RTN4RL1: variants seen among roughly 807,000 people sequenced by gnomAD.
The protein encoded by RTN4RL1 is reticulon 4 receptor like 1.
Under a neutral mutation model 25.6 loss-of-function variants are expected in RTN4RL1, and 7 were observed. The observed-to-expected ratio is 0.27, with a 90% CI of 0.16 to 0.51. The LOEUF (loss-of-function observed/expected upper bound fraction) is 0.51. Among genes scored for constraint, RTN4RL1 ranks in the 20% least tolerant of loss-of-function variants. The pLI is 0.97. For synonymous variants in RTN4RL1, 297 were observed against 288.2 expected (o/e 1.03, Z -0.31); for missense variants, 500 against 615.6 (o/e 0.81, Z 1.99).
intron 1 of RTN4RL1, among the ~76,000 whole-genome samples, chr17:1,943,198 C>T (rs1915474157): frequency 6.6e-6 from 1 of 152,236 alleles, no homozygotes; most frequent in Admixed American, 6.5e-5. Context: ...GGAAACGAGG[C>T]CCACCAGGGT....
intron 1 of RTN4RL1, among the ~76,000 whole-genome samples, chr17:1,955,269 G>A (rs924331979): frequency 1.3e-5 from 2 of 152,056 alleles, no homozygotes; most frequent in Non-Finnish European, 2.9e-5. Context: ...AATAATACTT[G>A]CCAGGGCTGG....
intron 1 of RTN4RL1, among the ~76,000 whole-genome samples, chr17:1,988,102 A>C (rs1012644375): frequency 1.3e-5 from 2 of 150,120 alleles, no homozygotes; most frequent in Non-Finnish European, 3.0e-5. Flanking sequence ...GCGAAACTCC[A>C]TCTCAGAAAA....
chr17:2,004,947 C>T (rs1350558537), intron 1 of RTN4RL1, among the ~76,000 whole-genome samples: 1 of 152,244 alleles, frequency 6.6e-6, no homozygotes, highest in Non-Finnish European at 1.5e-5. Flanking sequence ...TGGCGGCGTT[C>T]ATTGAGCTCC....
At chr17:1,948,576 C>G (rs1238921387) in intron 1 of RTN4RL1, among the ~76,000 whole-genome samples, 3 of 152,158 alleles carry the variant, frequency 2.0e-5, no homozygotes, top group Non-Finnish European at 4.4e-5. Context: ...CACAGGCAGA[C>G]AGGCGGACAC....
intron 1 of RTN4RL1, among the ~76,000 whole-genome samples, chr17:1,999,196 T>C (rs8070157): frequency 0.68 from 102,557 of 149,892 alleles, 35,162 homozygotes; most frequent in Middle Eastern, 0.73. Flanking sequence ...GGCTGTAATC[T>C]CAGCACTTTG....
intron 1 of RTN4RL1, among the ~76,000 whole-genome samples, chr17:1,951,499 T>A (rs1915678784): frequency 6.6e-6 from 1 of 151,728 alleles, no homozygotes; most frequent in Non-Finnish European, 1.5e-5. Context: ...TCTCACAGGC[T>A]GGAGTGCAGT....
intron 1 of RTN4RL1, among the ~76,000 whole-genome samples, chr17:1,954,733 C>T (rs1028113788): frequency 3.3e-5 from 5 of 152,160 alleles, no homozygotes; most frequent in African/African-American, 4.8e-5. Context: ...AGCACTGCTG[C>T]GCGTCCAACT....
Position 1,936,526 on chromosome 17 carries a change from C to G in RTN4RL1, c.1296G>C (p.Trp432Cys), listed in dbSNP as rs534972727. 556 of 1,549,900 alleles carry G rather than the reference C, an allele frequency of 3.6e-4. 10 individuals carry two copies. The South Asian group carries it at 5.6e-3, about 16-fold the overall frequency. Residue 432 changes from tryptophan to cysteine, a missense_variant, in exon 2 of 2, where the codon TGG becomes TGC. By Grantham distance (215) the Trp-to-Cys change is radical (BLOSUM62 -2). Transcript: ENST00000331238. Reference protein sequence around the residue: ...ASSLGASLLAWTLGLAVTLR With the variant: ...ASSLGASLLACTLGLAVTLR Reference sequence around the variant, plus strand: ...GGAGAGTGACCGCCAGCCCCAGTGTCCAGGCCAGGAGGGAGGCCCCCAGGG... The same window carrying G: ...GGAGAGTGACCGCCAGCCCCAGTGTGCAGGCCAGGAGGGAGGCCCCCAGGG...
chr17:1,978,630 A>G (rs978141273), intron 1 of RTN4RL1, among the ~76,000 whole-genome samples: 1 of 74,424 alleles, frequency 1.3e-5, no homozygotes, highest in Non-Finnish European at 3.0e-5. Flanking sequence ...CTCATCCGGA[A>G]AATGGGGGGG....
rs553184303 is a variant in RTN4RL1 at position 1,967,462 on chromosome 17, C to T, written c.14-29654G>A. Among the ~76,000 whole-genome samples, 5 of 152,140 alleles carry T rather than the reference C, an allele frequency of 3.3e-5. No homozygotes were observed. In the East Asian group the frequency reaches 9.7e-4, roughly 30 times the overall value. On this transcript the variant is annotated intron_variant, in intron 1 of 1. Coordinates refer to ENST00000331238, the MANE Select transcript of RTN4RL1 (RefSeq NM_178568.4). ...CTCCCCTTGAACCACAAAACCCGCC[C>T]AACCCAAATCTCCCTGCAGCCACTG... is the stretch of plus-strand genomic sequence containing the variant.
At chr17:1,938,831 A>C (rs1387501468) in intron 1 of RTN4RL1, among the ~76,000 whole-genome samples, 1 of 151,312 alleles carries the variant, frequency 6.6e-6, no homozygotes, top group Non-Finnish European at 1.5e-5. Flanking sequence ...CAGGCGGATC[A>C]CCTGAGGTCA....
chr17:1,936,609 C>T lies in RTN4RL1; in HGVS notation c.1213G>A (p.Ala405Thr), dbSNP rs376667761. 28 of 1,588,682 alleles carry T rather than the reference C, an allele frequency of 1.8e-5. No homozygotes were observed. The highest frequency in any genetic ancestry group is 2.7e-5 in the African/African-American group (2 of 74,306). ...TARPKRKGKC[A>T]RRTPIRAPSG... The stretch of plus-strand genomic sequence containing the variant: ...GGGGCACGGATGGGGGTCCTGCGGG[C>T]ACACTTGCCCTTCCTCTTGGGCCGG... Residue 405 changes from alanine to threonine, a missense_variant, in exon 2 of 2, where the codon GCC becomes ACC. Ala to Thr is a moderately conservative substitution (Grantham distance 58, BLOSUM62 0). Coordinates refer to ENST00000331238, the MANE Select transcript of RTN4RL1 (RefSeq NM_178568.4).
intron 1 of RTN4RL1, among the ~76,000 whole-genome samples, chr17:1,989,129 G>C (rs2066899180): frequency 6.6e-6 from 1 of 152,126 alleles, no homozygotes; most frequent in Non-Finnish European, 1.5e-5. Context: ...AGTAGTCCAA[G>C]CAAGAGATGT....
At chr17:1,996,800 G>C (rs1448177053) in intron 1 of RTN4RL1, among the ~76,000 whole-genome samples, 1 of 152,068 alleles carries the variant, frequency 6.6e-6, no homozygotes, top group African/African-American at 2.4e-5. Context: ...AACCTTCCTG[G>C]GCTGCCCACT....
intron 1 of RTN4RL1, among the ~76,000 whole-genome samples, chr17:1,971,194 GA>G (rs1156641773): frequency 6.6e-6 from 1 of 152,168 alleles, no homozygotes; most frequent in Non-Finnish European, 1.5e-5. Flanking sequence ...TCGTGATAGT[GA>G]GGGAGTTCTC....
chr17:1,956,879 G>A (rs967770515), intron 1 of RTN4RL1, among the ~76,000 whole-genome samples: 2 of 151,950 alleles, frequency 1.3e-5, no homozygotes, highest in Non-Finnish European at 2.9e-5. Flanking sequence ...GAGTAGCTGG[G>A]ATTACAGGCG....
intron 1 of RTN4RL1, among the ~76,000 whole-genome samples, chr17:2,009,935 G>A (rs1435682763): frequency 1.6e-5 from 2 of 128,788 alleles, no homozygotes; most frequent in Non-Finnish European, 3.3e-5. Context: ...CCTGACGCAG[G>A]GCCTTTGCAC....
intron 1 of RTN4RL1, chr17:2,001,683 C>G (rs534500504): frequency 6.6e-6 from 1 of 152,426 alleles, no homozygotes; most frequent in East Asian, 1.9e-4. Flanking sequence ...CTGGGTCTTT[C>G]TGAGACCAAA....
intron 1 of RTN4RL1, among the ~76,000 whole-genome samples, chr17:2,023,868 G>GC (rs1473694437): frequency 6.6e-6 from 1 of 152,174 alleles, no homozygotes; most frequent in East Asian, 1.9e-4. Context: ...GCTCCCGCAG[G>GC]GCCGGGGCAG....
Sources: gnomAD v4.1 joint callset for allele counts (sites outside exome capture counted in the v4.1 genomes callset) on GRCh38, gnomAD v4.1.1 for gene constraint, MANE v1.5 for transcripts, NCBI Gene and HGNC (gene_info 2026-07-23, HGNC 2026-07-21) for gene names.